The following MLLT3 variants were observed in gnomAD, a reference collection of about 807,000 sequenced individuals.
MLLT3 encodes MLLT3 super elongation complex subunit.
MLLT3 carries 4 observed loss-of-function variants against 53.2 expected under a neutral mutation model. That is an observed-to-expected ratio of 0.08 (90% confidence interval 0.04 to 0.17). The LOEUF (loss-of-function observed/expected upper bound fraction) is 0.17, where lower values mean the gene tolerates loss of function less well. Among genes scored for constraint, MLLT3 ranks in the 10% least tolerant of loss-of-function variants. MLLT3 has a pLI of 1.00. For missense variants in MLLT3, 569 were observed against 684.0 expected (o/e 0.83, Z 1.87); for synonymous variants, 283 against 230.6 (o/e 1.23, Z -2.06).
In MLLT3 at chr9:20,369,749, C is replaced by T. The variant is rs148654833; in HGVS notation, c.1126-4005G>A. ...TATATAAACTAAAGAAGGTCACTTGCTCTACACACACAAAAAAATCATCAT... is the reference window on the plus strand; with the variant it reads ...TATATAAACTAAAGAAGGTCACTTGTTCTACACACACAAAAAAATCATCAT... On this transcript the variant is annotated intron_variant, in intron 5 of 10. Coordinates refer to ENST00000380338, the MANE Select transcript of MLLT3 (RefSeq NM_004529.4). Among the ~76,000 whole-genome samples, 309 of 151,860 alleles carry T rather than the reference C, an allele frequency of 2.0e-3. 2 individuals carry two copies. The highest frequency in any genetic ancestry group is 7.2e-3 in the African/African-American group (298 of 41,360).
chr9:20,507,223 T>C (rs555241711), intron 2 of MLLT3, among the ~76,000 whole-genome samples: 119 of 152,342 alleles, frequency 7.8e-4, no homozygotes, highest in African/African-American at 2.6e-3. Flanking sequence ...TCCACCGATA[T>C]CTACCTCTTA....
intron 5 of MLLT3, 36 bp downstream of exon 5, chr9:20,413,685 T>A: frequency 6.7e-7 from 1 of 1,494,494 alleles, no homozygotes; most frequent in African/African-American, 1.4e-5. Flanking sequence ...AATCTGAAAA[T>A]AAGGGAAAGG....
At chr9:20,469,132 C>A (rs1010222115) in intron 2 of MLLT3, among the ~76,000 whole-genome samples, 1 of 152,102 alleles carries the variant, frequency 6.6e-6, no homozygotes, top group Non-Finnish European at 1.5e-5. Context: ...ACTTGGGAGT[C>A]ACCTTAAATG....
chr9:20,601,240 A>G (rs995854297), intron 2 of MLLT3, among the ~76,000 whole-genome samples: 7 of 152,208 alleles, frequency 4.6e-5, no homozygotes, highest in Non-Finnish European at 7.3e-5. Context: ...AGAGGAACAA[A>G]TAATTAAGGC....
At chr9:20,469,526 T>C (rs1824321652) in intron 2 of MLLT3, among the ~76,000 whole-genome samples, 1 of 152,086 alleles carries the variant, frequency 6.6e-6, no homozygotes, top group Admixed American at 6.6e-5. Context: ...AAAGATAGGT[T>C]GATGAATAGG....
intron 5 of MLLT3, among the ~76,000 whole-genome samples, chr9:20,390,832 GC>G (rs1822161362): frequency 6.6e-6 from 1 of 152,188 alleles, no homozygotes; most frequent in African/African-American, 2.4e-5. Flanking sequence ...ATTGAGGTGT[GC>G]CAGGCATGGT....
chr9:20,435,074 G>A (rs1162966263), intron 4 of MLLT3, among the ~76,000 whole-genome samples: 1 of 152,068 alleles, frequency 6.6e-6, no homozygotes, highest in Non-Finnish European at 1.5e-5. Context: ...GCCTGGAGTG[G>A]GATGGGGAAT....
At chr9:20,432,989 T>A (rs997394167) in intron 4 of MLLT3, among the ~76,000 whole-genome samples, 11 of 152,172 alleles carry the variant, frequency 7.2e-5, no homozygotes, top group Middle Eastern at 3.4e-3. Flanking sequence ...GGATACCACA[T>A]CAAATATATT....
intron 2 of MLLT3, among the ~76,000 whole-genome samples, chr9:20,457,238 C>CTTTTTTTTTTT (rs769037689): frequency 4.7e-5 from 3 of 63,738 alleles, no homozygotes; most frequent in African/African-American, 1.2e-4. Context: ...ACAAGGACAT[C>CTTTTTTTTTTT]TTTTTTTTTT....
chr9:20,470,221 G>GA (rs1181284728), intron 2 of MLLT3, among the ~76,000 whole-genome samples: 1 of 151,880 alleles, frequency 6.6e-6, no homozygotes, highest in Non-Finnish European at 1.5e-5. Context: ...TTGGCTCTAG[G>GA]AAAATGTGGA....
intron 5 of MLLT3, among the ~76,000 whole-genome samples, chr9:20,393,536 T>C (rs1295869749): frequency 6.6e-6 from 1 of 152,218 alleles, no homozygotes; most frequent in African/African-American, 2.4e-5. Context: ...TTCCCTTCGA[T>C]TTCAAAAATA....
chr9:20,414,330 GCTGCTGCTGCTGCTA>G lies in MLLT3; in HGVS notation c.501_515del (p.Ser186_Ser190del), dbSNP rs1171031839. On this transcript the variant is annotated inframe_deletion, in exon 5 of 11. Coordinates refer to ENST00000380338, the MANE Select transcript of MLLT3 (RefSeq NM_004529.4). ...TGCTGCTACTGCTGCTGCTGCTGCT[GCTGCTGCTGCTGCTA>G]CTGCTGCTGCTGCTGCTGCTGCTGC... The G allele has an allele frequency of 8.1e-6, 13 of 1,606,502 alleles. No homozygotes were observed. The highest frequency in any genetic ancestry group is 3.4e-5 in the Admixed American group (2 of 59,686).
intron 5 of MLLT3, among the ~76,000 whole-genome samples, chr9:20,380,045 C>G (rs973470630): frequency 4.6e-5 from 7 of 151,950 alleles, no homozygotes; most frequent in African/African-American, 1.7e-4. Flanking sequence ...TTACTTCAGG[C>G]TATCTTTTGT....
chr9:20,567,522 T>C (rs1167911407), intron 2 of MLLT3, among the ~76,000 whole-genome samples: 3 of 152,152 alleles, frequency 2.0e-5, no homozygotes, highest in Non-Finnish European at 4.4e-5. Flanking sequence ...ATCTTCAGAT[T>C]TGAACATTGA....
intron 2 of MLLT3, among the ~76,000 whole-genome samples, chr9:20,493,864 C>G (rs1038690309): frequency 1.3e-5 from 2 of 152,010 alleles, no homozygotes; most frequent in Non-Finnish European, 2.9e-5. Flanking sequence ...ATCTGTAACA[C>G]CATAGTTATT....
intron 2 of MLLT3, among the ~76,000 whole-genome samples, chr9:20,493,400 A>G (rs1825001978): frequency 6.6e-6 from 1 of 152,024 alleles, no homozygotes; most frequent in African/African-American, 2.4e-5. Flanking sequence ...CTGAAATAAC[A>G]TCCTTATCTT....
At chr9:20,579,293 A>T (rs560550400) in intron 2 of MLLT3, among the ~76,000 whole-genome samples, 2 of 152,162 alleles carry the variant, frequency 1.3e-5, no homozygotes, top group African/African-American at 4.8e-5. Context: ...TCACTTGAGC[A>T]CAGGAGTCAA....
intron 3 of MLLT3, among the ~76,000 whole-genome samples, chr9:20,452,230 T>C (rs909047843): frequency 1.3e-5 from 2 of 152,220 alleles, no homozygotes; most frequent in Non-Finnish European, 2.9e-5. Context: ...AAATCTCATC[T>C]TGAATTGTGG....
rs1379745608 is a variant in MLLT3, at chr9:20,621,328, G to A, written c.13-494C>T. On this transcript the variant is annotated intron_variant, in intron 1 of 10. Transcript: ENST00000380338. The surrounding 1 kb of genome is among the most constrained non-coding windows in gnomAD (Gnocchi z 7.0). ...TTTGTGTACGTGTGTGTGCGTGCGT[G>A]TGGAGCGCTGTGCCAGGCGAAATGG... Among the ~76,000 whole-genome samples, 1 of 152,170 alleles carries A rather than the reference G, an allele frequency of 6.6e-6. No homozygotes were observed. The highest frequency in any genetic ancestry group is 1.5e-5 in the Non-Finnish European group (1 of 68,030).
Sources: allele counts gnomAD v4.1 joint callset (sites outside exome capture counted in the v4.1 genomes callset), GRCh38; gene constraint gnomAD v4.1.1; non-coding constraint Gnocchi (gnomAD v3.1); transcripts MANE v1.5; gene names NCBI Gene and HGNC (gene_info 2026-07-23, HGNC 2026-07-21).